The following RTEL1 variants were observed in gnomAD, a reference collection of about 807,000 sequenced individuals.
RTEL1 encodes regulator of telomere length.
RTEL1 carries 86 observed loss-of-function variants against 162.2 expected under a neutral mutation model. The observed-to-expected ratio is 0.53, with a 90% CI of 0.45 to 0.63. The LOEUF (loss-of-function observed/expected upper bound fraction) is 0.63. RTEL1 is among the 30% of genes least tolerant of loss of function. The probability of loss-of-function intolerance (pLI) is 0.00; values close to 1 mark genes in which losing one functional copy is unlikely to be tolerated. For missense variants in RTEL1, 1,941 were observed against 1,750.2 expected (o/e 1.11, Z -1.95); for synonymous variants, 958 against 717.9 (o/e 1.33, Z -5.35).
intron 30 of RTEL1, among the ~76,000 whole-genome samples, 197 bp downstream of exon 30, chr20:63,693,480 T>TCCACCTCCACCACCTCCA: frequency 1.8e-4 from 1 of 5,416 alleles, no homozygotes; most frequent in African/African-American, 8.0e-4. Context: ...CACCTCCACC[T>TCCACCTCCACCACCTCCA]CCACCACCAC....
At chr20:63,688,888 C>T (rs1036544722) in intron 21 of RTEL1, 167 bp from the exon 22 acceptor site, 7 of 725,944 alleles carry the variant, frequency 9.6e-6, no homozygotes, top group Admixed American at 6.7e-5. Flanking sequence ...ACTGAGCAGG[C>T]GTGGGGTCAG....
At chr20:63,665,109 A>AGTGTGT (rs112246475) in intron 6 of RTEL1, 3,861 of 153,570 alleles carry the variant, frequency 0.025, 161 homozygotes, top group African/African-American at 0.09. Flanking sequence ...GGTGTGTGTG[A>AGTGTGT]GTGTGTGTGT....
chr20:63,665,807 C>T (rs1298324901), intron 6 of RTEL1, among the ~76,000 whole-genome samples, 197 bp from the exon 7 acceptor site: 7 of 152,152 alleles, frequency 4.6e-5, no homozygotes, highest in Admixed American at 3.9e-4. Context: ...GAGGAGGATT[C>T]CCTCAGGATC....
At position 63,661,440 on chromosome 20, in the gene RTEL1, C is replaced by T. The variant is rs143461704; in HGVS notation, c.245C>T (p.Pro82Leu). The T allele has an allele frequency of 9.4e-4, 1,520 of 1,613,490 alleles. 2 individuals are homozygous for T. Among genetic ancestry groups the T allele is most frequent in the Non-Finnish European group, 1.2e-3 (1,395 of 1,180,034 alleles). The change falls in exon 3 of 35, where the codon CCG becomes CTG. Residue 82 changes from proline to leucine, a missense_variant. Pro to Leu is a moderately conservative substitution (Grantham distance 98, BLOSUM62 -3). Coordinates refer to ENST00000360203, the MANE Select transcript of RTEL1 (RefSeq NM_001283009.2). The surrounding 1 kb of genome is among the most constrained non-coding windows in gnomAD (Gnocchi z 5.1). Reference sequence around the variant, plus strand: ...GAGAGGGCGCAAGGAGAGCTTTTCCCGGATCGGGCCTTGTCATCCTGGGGC... The same window carrying T: ...GAGAGGGCGCAAGGAGAGCTTTTCCTGGATCGGGCCTTGTCATCCTGGGGC... ...IAERAQGELF[P>L]DRALSSWGNA... is the part of the protein sequence containing the mutation.
At chr20:63,673,901 G>C (rs756482931) in intron 9 of RTEL1, 39 bp from the exon 10 acceptor site, 1 of 1,581,458 alleles carries the variant, frequency 6.3e-7, no homozygotes, top group Non-Finnish European at 8.6e-7. Flanking sequence ...CCCCGATCCT[G>C]TCCTGTTCTG....
At position 63,695,608 on chromosome 20, in the gene RTEL1, T is replaced by C. The variant is rs1417593784; in HGVS notation, c.3780T>C (p.Cys1260=). The change falls in exon 34 of 35, where the codon TGT becomes TGC. Residue 1260 remains cysteine (C), a synonymous_variant. Coordinates refer to ENST00000360203, the MANE Select transcript of RTEL1 (RefSeq NM_001283009.2). ...TGGTGCCCTTCCAGTGCCCTGCCTG[T>C]GACTTCCAGCGCTGCCAAGCCTGCT... is the stretch of plus-strand genomic sequence containing the variant. ...EDVVPFQCPA[C]DFQRCQACWQ... 6.2e-7 allele frequency: 1 copy of C among 1,611,776 alleles called. No homozygotes were observed. Among genetic ancestry groups the C allele is most frequent in the Non-Finnish European group, 8.5e-7 (1 of 1,179,888 alleles).
chr20:63,685,607 A>G lies in RTEL1; in HGVS notation c.1266+10A>G, dbSNP rs2145411553. On this transcript the variant is annotated intron_variant, in intron 15 of 34. Coordinates refer to ENST00000360203, the MANE Select transcript of RTEL1 (RefSeq NM_001283009.2). ...CTTACAGTCCTATAAGGTAGGGGCCACCTCCAGGAGGCAGGTGGAGGGCAG... is the reference window on the plus strand; with the variant it reads ...CTTACAGTCCTATAAGGTAGGGGCCGCCTCCAGGAGGCAGGTGGAGGGCAG... The G allele has an allele frequency of 6.2e-7, 1 of 1,607,854 alleles. No individual in the cohort carries two copies. The highest frequency in any genetic ancestry group is 1.3e-5 in the African/African-American group (1 of 74,550).
chr20:63,677,143 C>T (rs1316189209), intron 10 of RTEL1, among the ~76,000 whole-genome samples: 1 of 152,188 alleles, frequency 6.6e-6, no homozygotes, highest in Non-Finnish European at 1.5e-5. Flanking sequence ...ATGTCCTGCT[C>T]CAGACCTGGA....
chr20:63,691,690 C>A (rs981240875), intron 27 of RTEL1, 52 bp from the exon 28 acceptor site: 1 of 1,521,596 alleles, frequency 6.6e-7, no homozygotes, highest in Non-Finnish European at 9.1e-7. Context: ...CTTTGGGACC[C>A]CAGAGTGTGT....
At position 63,688,033 on chromosome 20, in the gene RTEL1, C is replaced by T. The variant is rs1436538013; in HGVS notation, c.1578C>T (p.Ser526=). 1.2e-6 allele frequency: 2 copies of T among 1,612,770 alleles called. No homozygotes were observed. The highest frequency in any genetic ancestry group is 1.7e-6 in the Non-Finnish European group (2 of 1,179,964). The change falls in exon 18 of 35, where the codon AGC becomes AGT. Residue 526 remains serine (S), a synonymous_variant. Transcript: ENST00000360203. The part of the protein sequence containing the change: ...VPRGPDGAQL[S]SAFDRRFSEE... ...GAGGCCCCGATGGAGCCCAGTTGAG[C>T]TCCGCGTTTGACAGACGGTGAGGGC... is the stretch of plus-strand genomic sequence containing the variant.
chr20:63,693,338 C>T (rs1252787755), intron 30 of RTEL1, 55 bp downstream of exon 30: 6 of 1,601,666 alleles, frequency 3.7e-6, no homozygotes, highest in African/African-American at 2.7e-5. Flanking sequence ...GCAGTGTGGG[C>T]CAGAGTCCTG....
Position 63,689,534 on chromosome 20 carries a change from T to C in RTEL1, c.1911T>C (p.Asn637=), listed in dbSNP as rs2145427641. 1 of 1,610,080 alleles carries C rather than the reference T, an allele frequency of 6.2e-7. No homozygotes were observed. The highest frequency in any genetic ancestry group is 8.5e-7 in the Non-Finnish European group (1 of 1,179,010). Residue 637 remains asparagine, a synonymous_variant, in exon 23 of 35, where the codon AAT becomes AAC. Transcript: ENST00000360203. Reference sequence around the variant, plus strand: ...AGGGGCTGGACTTCTCAGACACGAATGGCCGTGGTGTGATTGTCACGGGCC... The same window carrying C: ...AGGGGCTGGACTTCTCAGACACGAACGGCCGTGGTGTGATTGTCACGGGCC... ...ASEGLDFSDT[N]GRGVIVTGLP... is the part of the protein sequence containing the mutation.
At chr20:63,688,254 C>T (rs900477905) in intron 19 of RTEL1, 47 bp from the exon 20 acceptor site, 1 of 1,609,102 alleles carries the variant, frequency 6.2e-7, no homozygotes, top group East Asian at 2.2e-5. Flanking sequence ...GTAGGGAACC[C>T]TGCAGACATC....
chr20:63,690,245 GT>G, intron 25 of RTEL1, 35 bp downstream of exon 25: 1 of 1,604,174 alleles, frequency 6.2e-7, no homozygotes. Flanking sequence ...TGAGGGTGTT[GT>G]CCCCAGAGGA....
chr20:63,688,267 G>GC (rs756646591), intron 19 of RTEL1, 34 bp from the exon 20 acceptor site: 22 of 1,609,816 alleles, frequency 1.4e-5, no homozygotes, highest in Non-Finnish European at 1.8e-5. Flanking sequence ...CAGACATCCT[G>GC]CCCCTGCCTT....
At chr20:63,670,803 G>A in intron 8 of RTEL1, among the ~76,000 whole-genome samples, 1 of 145,090 alleles carries the variant, frequency 6.9e-6, no homozygotes, top group African/African-American at 2.5e-5. Flanking sequence ...GGCAACATAG[G>A]GAGACCCCAT....
At chr20:63,679,431 G>A (rs1179801706) in intron 12 of RTEL1, among the ~76,000 whole-genome samples, 2 of 152,050 alleles carry the variant, frequency 1.3e-5, no homozygotes, top group African/African-American at 2.4e-5. Context: ...CAGAGCCACC[G>A]CCTCCCAGAA....
Position 63,689,082 on chromosome 20 carries a change from G to A in RTEL1, c.1828G>A (p.Ala610Thr), listed in dbSNP as rs2090663793. 1 of 1,610,926 alleles carries A rather than the reference G, an allele frequency of 6.2e-7. No homozygotes were observed. Residue 610 changes from alanine to threonine, a missense_variant, in exon 22 of 35, where the codon GCC (alanine) becomes ACC (threonine). Transcript: ENST00000360203. Reference protein sequence around the residue: ...ETISAYYARVAAPGSTGATFL... With the variant: ...ETISAYYARVTAPGSTGATFL... ...CATCAGTGCTTACTATGCAAGGGTT[G>A]CCGCCCCTGGGTCCACCGGCGCCAC...
chr20:63,693,063 G>C, intron 29 of RTEL1, 60 bp downstream of exon 29: 1 of 1,609,664 alleles, frequency 6.2e-7, no homozygotes, highest in Non-Finnish European at 8.5e-7. Context: ...CGTGTGGGGT[G>C]GGGGCCATCT....
Sources: allele counts gnomAD v4.1 joint callset (sites outside exome capture counted in the v4.1 genomes callset), GRCh38; gene constraint gnomAD v4.1.1; non-coding constraint Gnocchi (gnomAD v3.1); transcripts MANE v1.5; gene names NCBI Gene and HGNC (gene_info 2026-07-23, HGNC 2026-07-21).